ARHGAP26: variants seen among roughly 807,000 people sequenced by gnomAD.
ARHGAP26 encodes Rho GTPase activating protein 26.
In ARHGAP26, 38 loss-of-function variants were observed where a neutral mutation model predicts 104.8. The observed-to-expected ratio is 0.36, with a 90% confidence interval of 0.28 to 0.48. The LOEUF is 0.48. Ranked by LOEUF, ARHGAP26 falls within the 20% of genes least tolerant of loss-of-function variation. The probability of loss-of-function intolerance (pLI) is 0.99; values close to 1 mark genes in which losing one functional copy is unlikely to be tolerated. For missense variants in ARHGAP26, 704 were observed against 947.9 expected (o/e 0.74, Z 3.38); for synonymous variants, 341 against 340.0 (o/e 1.00, Z -0.03).
intron 1 of ARHGAP26, among the ~76,000 whole-genome samples, chr5:142,830,139 C>G (rs896985475): frequency 1.3e-5 from 2 of 152,172 alleles, no homozygotes; most frequent in African/African-American, 4.8e-5. Flanking sequence ...GGATGTTATT[C>G]ATGTTCAATA....
chr5:143,012,161 AC>A (rs1281854232), intron 11 of ARHGAP26, among the ~76,000 whole-genome samples: 4 of 151,954 alleles, frequency 2.6e-5, no homozygotes, highest in African/African-American at 9.7e-5. Flanking sequence ...AAGTACAGAA[AC>A]CTGTTCTCTT....
chr5:143,105,047 A>G (rs1462355059), intron 17 of ARHGAP26, among the ~76,000 whole-genome samples: 1 of 152,202 alleles, frequency 6.6e-6, no homozygotes, highest in East Asian at 1.9e-4. Flanking sequence ...TAACGATAGC[A>G]CTGAAAGAAA....
intron 1 of ARHGAP26, among the ~76,000 whole-genome samples, chr5:142,853,946 G>A (rs1751948293): frequency 6.6e-6 from 1 of 152,184 alleles, no homozygotes. Flanking sequence ...CTGTGAGCAG[G>A]CCAAGAACAA....
chr5:143,162,482 C>A (rs1171288938), intron 20 of ARHGAP26, among the ~76,000 whole-genome samples: 1 of 152,004 alleles, frequency 6.6e-6, no homozygotes, highest in Non-Finnish European at 1.5e-5. Context: ...CCTGGACATG[C>A]TAATCCAATA....
At chr5:143,151,221 A>G (rs1799802124) in intron 20 of ARHGAP26, among the ~76,000 whole-genome samples, 1 of 152,222 alleles carries the variant, frequency 6.6e-6, no homozygotes, top group South Asian at 2.1e-4. Flanking sequence ...ACAGTGAGAT[A>G]CCACTACACA....
intron 14 of ARHGAP26, among the ~76,000 whole-genome samples, chr5:143,050,200 TG>T (rs1455638529): frequency 6.6e-6 from 1 of 152,242 alleles, no homozygotes; most frequent in East Asian, 1.9e-4. Flanking sequence ...GATATCCTGG[TG>T]GCAGGAGAAT....
At chr5:143,031,816 GTTCAAGCGA>G (rs1781927074) in intron 12 of ARHGAP26, among the ~76,000 whole-genome samples, 2 of 152,044 alleles carry the variant, frequency 1.3e-5, no homozygotes, top group South Asian at 4.2e-4. Context: ...TGCCTCTTGG[GTTCAAGCGA>G]TTCAAGCCTC....
At chr5:142,804,314 G>A (rs1001384070) in intron 1 of ARHGAP26, among the ~76,000 whole-genome samples, 19 of 152,006 alleles carry the variant, frequency 1.2e-4, no homozygotes, top group African/African-American at 4.3e-4. Flanking sequence ...ATAACTTGCC[G>A]AGGCTGACTA....
intron 1 of ARHGAP26, among the ~76,000 whole-genome samples, chr5:142,784,324 T>C (rs528409830): frequency 4.7e-4 from 72 of 152,324 alleles, no homozygotes; most frequent in Non-Finnish European, 5.3e-4. Context: ...TTTGGCTTGC[T>C]TCTCATCTCC....
chr5:143,017,662 C>G (rs1385819239), intron 12 of ARHGAP26, among the ~76,000 whole-genome samples: 3 of 152,182 alleles, frequency 2.0e-5, no homozygotes, highest in Non-Finnish European at 2.9e-5. Flanking sequence ...GTGCCCTCAT[C>G]ATTGTGTCAG....
intron 1 of ARHGAP26, among the ~76,000 whole-genome samples, chr5:142,830,973 TTAAG>T (rs1212536819): frequency 6.6e-6 from 1 of 152,222 alleles, no homozygotes; most frequent in African/African-American, 2.4e-5. Flanking sequence ...CCTTTCATTA[TTAAG>T]TTTTACACAA....
At chr5:143,147,099 T>G (rs1799253996) in intron 19 of ARHGAP26, 132 bp from the exon 20 acceptor site, 4 of 1,118,096 alleles carry the variant, frequency 3.6e-6, no homozygotes, top group Non-Finnish European at 5.1e-6. Context: ...ACCTTTTCTA[T>G]GTTGTTTCTT....
chr5:142,987,831 T>G (rs1774995353), intron 11 of ARHGAP26, among the ~76,000 whole-genome samples: 1 of 152,220 alleles, frequency 6.6e-6, no homozygotes, highest in Admixed American at 6.5e-5. Context: ...CAGCCTTGCA[T>G]CCCAGGGATG....
At chr5:142,847,028 A>T (rs1002359949) in intron 1 of ARHGAP26, among the ~76,000 whole-genome samples, 1 of 151,832 alleles carries the variant, frequency 6.6e-6, no homozygotes, top group African/African-American at 2.4e-5. Context: ...GAAGGGCCCC[A>T]TGTGGGGCTG....
chr5:143,180,211 C>T (rs1048649484), intron 20 of ARHGAP26, among the ~76,000 whole-genome samples: 9 of 152,108 alleles, frequency 5.9e-5, no homozygotes, highest in Non-Finnish European at 7.4e-5. Context: ...CTGCAACCTC[C>T]GCCTCCTGGG....
In ARHGAP26 at chr5:143,184,242, G is replaced by C. The variant is rs144172767; in HGVS notation, c.1989-22956G>C. ...CCAGCTGTCCCTTCCTGCCCATTAG[G>C]GGGTAGAGAATGCCTCTTTTGGACT... On this transcript the variant is annotated intron_variant, in intron 20 of 22. Coordinates refer to ENST00000645722, the MANE Select transcript of ARHGAP26 (RefSeq NM_001135608.3). Among the ~76,000 whole-genome samples, 300 of 152,290 alleles carry C rather than the reference G, an allele frequency of 2.0e-3. 2 individuals carry two copies. Among genetic ancestry groups the C allele is most frequent in the African/African-American group, 7.0e-3 (292 of 41,566 alleles).
At chr5:143,147,947 C>T (rs554685892) in intron 20 of ARHGAP26, among the ~76,000 whole-genome samples, 7 of 152,310 alleles carry the variant, frequency 4.6e-5, no homozygotes, top group Admixed American at 3.3e-4. Context: ...CACCCATAGT[C>T]AGGACAATTA....
At chr5:142,976,246 A>C (rs1388978476) in intron 11 of ARHGAP26, among the ~76,000 whole-genome samples, 1 of 152,242 alleles carries the variant, frequency 6.6e-6, no homozygotes, top group Non-Finnish European at 1.5e-5. Context: ...AAGCATTTGA[A>C]ATAATCTGTT....
chr5:142,988,328 G>A (rs1300905482), intron 11 of ARHGAP26, among the ~76,000 whole-genome samples: 4 of 152,138 alleles, frequency 2.6e-5, no homozygotes, highest in South Asian at 2.1e-4. Context: ...TGTGGGATTG[G>A]TGGTGATATC....
Sources: allele counts gnomAD v4.1 joint callset (sites outside exome capture counted in the v4.1 genomes callset), GRCh38; gene constraint gnomAD v4.1.1; transcripts MANE v1.5; gene names NCBI Gene and HGNC (gene_info 2026-07-23, HGNC 2026-07-21).